The following CEP350 variants were observed in gnomAD, a reference collection of about 807,000 sequenced individuals.
CEP350 encodes centrosomal protein 350, also known as centrosome-associated protein 350.
Under a neutral mutation model 331.8 loss-of-function variants are expected in CEP350, and 126 were observed. That is an observed-to-expected ratio of 0.38 (90% confidence interval 0.33 to 0.44). The LOEUF is 0.44. CEP350 is among the 20% of genes least tolerant of loss of function. The probability of loss-of-function intolerance (pLI) is 1.00; values close to 1 mark genes in which losing one functional copy is unlikely to be tolerated. For synonymous variants in CEP350, 1,200 were observed against 1,259.5 expected (o/e 0.95, Z 1.00); for missense variants, 3,406 against 3,634.6 (o/e 0.94, Z 1.62).
Position 180,020,994 on chromosome 1 carries a change from C to A in CEP350, c.3220C>A (p.Gln1074Lys). The change falls in exon 12 of 38, where the codon CAG (glutamine) becomes AAG (lysine). Residue 1074 changes from glutamine to lysine, a missense_variant. This residue lies in a region of CEP350 where 1,857 missense variants were observed against 1,909.2 expected (regional missense o/e 0.97). Transcript: ENST00000367607. ...SVINIFTKSY[Q>K]LYGKGFEDKL... is the part of the protein sequence containing the mutation. ...CATTAATATTTTTACAAAATCCTAT[C>A]AGTTATATGGAAAAGGTGAGAAAAA... 1 of 1,542,458 alleles carries A rather than the reference C, an allele frequency of 6.5e-7. No homozygotes were observed. Among genetic ancestry groups the A allele is most frequent in the South Asian group, 1.3e-5 (1 of 79,516 alleles).
Position 180,004,910 on chromosome 1 carries a change from T to TTG in CEP350, c.1133-1544_1133-1543insTG, listed in dbSNP as rs1558093178. Among the ~76,000 whole-genome samples, 72 of 42,858 alleles carry TTG rather than the reference T, an allele frequency of 1.7e-3. 1 individual carries two copies. The East Asian group carries it at 0.04, about 24-fold the overall frequency. The allele number at this position is 42,858 out of a possible 152,430, so 28.1% of individuals were successfully genotyped here. ...TGCTTGCTTGCTTGCTTGCTTGCTT[T>TTG]CTTTCTTTCTTTCTTTCTTTCTTTC... On this transcript the variant is annotated intron_variant, in intron 7 of 37. Coordinates refer to ENST00000367607, the MANE Select transcript of CEP350 (RefSeq NM_014810.5).
At chr1:179,968,834 G>C in intron 1 of CEP350, 1 of 708,866 alleles carries the variant, frequency 1.4e-6, no homozygotes, top group Non-Finnish European at 2.6e-6. Context: ...CTGGCAGCTC[G>C]TGCCATTGTT....
chr1:180,074,014 G>A (rs1281785664), intron 27 of CEP350: 4 of 1,010,206 alleles, frequency 4.0e-6, no homozygotes, highest in Non-Finnish European at 5.3e-6. Flanking sequence ...TAATAGCCTG[G>A]AGGCCTCTTA....
At position 179,991,707 on chromosome 1, in the gene CEP350, GTATA is replaced by G. The variant is rs756278179; in HGVS notation, c.236-340_236-337del. On this transcript the variant is annotated intron_variant, in intron 4 of 37. Transcript: ENST00000367607. ...TGTGTGTGTGTGTGTGTGTGTGTGT[GTATA>G]TATATATATATATACATTTTTTTTT... Among the ~76,000 whole-genome samples the G allele has an allele frequency of 2.9e-3, 279 of 96,962 alleles. 2 individuals carry two copies. Among genetic ancestry groups the G allele is most frequent in the South Asian group, 0.015 (38 of 2,482 alleles). The allele number at this position is 96,962 out of a possible 152,430, so 63.6% of individuals were successfully genotyped here.
chr1:179,981,659 G>T (rs1392229921), intron 1 of CEP350, among the ~76,000 whole-genome samples: 1 of 152,036 alleles, frequency 6.6e-6, no homozygotes, highest in Non-Finnish European at 1.5e-5. Flanking sequence ...TAGATTATTG[G>T]CAAATTCAGG....
chr1:180,015,793 A>C, intron 10 of CEP350, 56 bp from the exon 11 acceptor site: 4 of 1,566,788 alleles, frequency 2.6e-6, no homozygotes, highest in Non-Finnish European at 2.6e-6. Flanking sequence ...CTTAGGTGCT[A>C]CCTGAATATA....
intron 8 of CEP350, among the ~76,000 whole-genome samples, chr1:180,010,684 C>G (rs1400853530): frequency 3.3e-5 from 5 of 151,710 alleles, no homozygotes; most frequent in Non-Finnish European, 7.4e-5. Flanking sequence ...GGACTGCATC[C>G]TTGAACTCTT....
intron 16 of CEP350, 55 bp downstream of exon 16, chr1:180,034,137 C>A: frequency 2.6e-6 from 4 of 1,527,684 alleles, no homozygotes; most frequent in South Asian, 1.2e-5. Context: ...ATTTTTTTCT[C>A]TCAACATTCC....
chr1:179,988,615 T>C (rs1358066383), intron 3 of CEP350, among the ~76,000 whole-genome samples: 1 of 152,158 alleles, frequency 6.6e-6, no homozygotes, highest in Non-Finnish European at 1.5e-5. Context: ...CAATCTTGTC[T>C]AAAGTTTAGG....
chr1:179,974,660 T>C (rs1651717885), intron 1 of CEP350, among the ~76,000 whole-genome samples: 2 of 152,306 alleles, frequency 1.3e-5, no homozygotes, highest in South Asian at 2.1e-4. Context: ...GTATGATATA[T>C]GTATGTGTGT....
intron 4 of CEP350, among the ~76,000 whole-genome samples, chr1:179,991,797 C>CA (rs1653120171): frequency 6.7e-6 from 1 of 149,652 alleles, no homozygotes; most frequent in African/African-American, 2.5e-5. Context: ...AGAGCCATGA[C>CA]AAAAAATAAA....
intron 1 of CEP350, among the ~76,000 whole-genome samples, chr1:179,975,501 G>C (rs975153146): frequency 1.3e-5 from 2 of 151,786 alleles, no homozygotes; most frequent in Non-Finnish European, 2.9e-5. Flanking sequence ...GAGGCAAGGG[G>C]AAGAAAGAAA....
At chr1:180,009,996 A>T (rs1654521328) in intron 8 of CEP350, among the ~76,000 whole-genome samples, 1 of 152,186 alleles carries the variant, frequency 6.6e-6, no homozygotes, top group African/African-American at 2.4e-5. Context: ...AATAGAAAAC[A>T]GATAAAACCA....
rs540758230 is a variant in CEP350 at position 179,990,172 on chromosome 1, C to T, written c.121-335C>T. 1.5e-3 allele frequency among the ~76,000 whole-genome samples: 232 copies of T among 151,396 alleles called. 1 individual carries two copies. Among genetic ancestry groups the T allele is most frequent in the African/African-American group, 5.0e-3 (205 of 41,272 alleles). On this transcript the variant is annotated intron_variant, in intron 3 of 37. Coordinates refer to ENST00000367607, the MANE Select transcript of CEP350 (RefSeq NM_014810.5). ...CTGCACTCCAGCCTGCGCGACAGACCGAGACCGTCTCAAAAAAAAAAAAGT... is the reference window on the plus strand; with the variant it reads ...CTGCACTCCAGCCTGCGCGACAGACTGAGACCGTCTCAAAAAAAAAAAAGT...
At chr1:180,012,873 T>C (rs1571865913) in intron 9 of CEP350, among the ~76,000 whole-genome samples, 1 of 152,238 alleles carries the variant, frequency 6.6e-6, no homozygotes, top group Admixed American at 6.5e-5. Flanking sequence ...AATTTGATGA[T>C]AAAATTATTT....
chr1:179,992,308 A>AT, intron 5 of CEP350, 87 bp downstream of exon 5: 4 of 1,106,694 alleles, frequency 3.6e-6, no homozygotes, highest in Non-Finnish European at 3.6e-6. Flanking sequence ...TGAGTTTTTT[A>AT]TAGCACTCTG....
In CEP350 at chr1:179,992,147, C is replaced by G; in HGVS notation, c.321C>G (p.Leu107=). ...KSRKEKSRSP[L]RATTLESNVK... is the part of the protein sequence containing the mutation. ...GAAAAGAGAAATCTCGTAGTCCTCT[C>G]AGGGCCACCACCCTGGAGAGTAATG... Residue 107 remains leucine (L), a synonymous_variant, in exon 5 of 38, where the codon CTC becomes CTG. Transcript: ENST00000367607. 1.3e-6 allele frequency: 2 copies of G among 1,544,680 alleles called. No individual in the cohort carries two copies. The highest frequency in any genetic ancestry group is 1.7e-6 in the Non-Finnish European group (2 of 1,148,644).
chr1:180,068,453 C>T (rs1355975304), intron 27 of CEP350, among the ~76,000 whole-genome samples: 1 of 152,034 alleles, frequency 6.6e-6, no homozygotes, highest in Non-Finnish European at 1.5e-5. Flanking sequence ...CTGAATAGCT[C>T]TCAATGTTTT....
At chr1:180,004,931 C>CTT (rs1553254008) in intron 7 of CEP350, among the ~76,000 whole-genome samples, 4 of 92,472 alleles carry the variant, frequency 4.3e-5, no homozygotes, top group Admixed American at 3.0e-4. Context: ...TTCTTTCTTT[C>CTT]TTTCTTTCTT....
Sources: allele counts gnomAD v4.1 joint callset (sites outside exome capture counted in the v4.1 genomes callset), GRCh38; gene constraint gnomAD v4.1.1; regional missense constraint gnomAD v4.1.1; transcripts MANE v1.5; gene names NCBI Gene and HGNC (gene_info 2026-07-23, HGNC 2026-07-21).